SGCD: variants seen among roughly 807,000 people sequenced by gnomAD.
SGCD encodes the protein delta-sarcoglycan.
A neutral mutation model predicts 36.6 loss-of-function variants in SGCD; 18 were observed. That is an observed-to-expected ratio of 0.49 (90% CI 0.34 to 0.73). SGCD has a LOEUF of 0.73. Among genes scored for constraint, SGCD ranks in the 30% least tolerant of loss-of-function variants. SGCD has a pLI of 0.01. For missense variants in SGCD, 387 were observed against 346.7 expected, an observed-to-expected ratio of 1.12 and a Z score of -0.92; for synonymous variants, 133 against 130.6, an observed-to-expected ratio of 1.02 and a Z score of -0.12.
intron 3 of SGCD, among the ~76,000 whole-genome samples, chr5:156,172,151 G>T (rs1045648109): frequency 1.3e-5 from 2 of 152,160 alleles, no homozygotes; most frequent in African/African-American, 4.8e-5. Context: ...GGGCATGGTG[G>T]CAGATGCCTG....
At chr5:156,102,657 A>G (rs1020634430) in intron 1 of SGCD, among the ~76,000 whole-genome samples, 3 of 152,204 alleles carry the variant, frequency 2.0e-5, no homozygotes, top group South Asian at 4.1e-4. Context: ...TGAGAAGCAC[A>G]TACAAGTCTG....
intron 3 of SGCD, among the ~76,000 whole-genome samples, chr5:156,214,618 A>C (rs1365032076): frequency 6.6e-6 from 1 of 152,126 alleles, no homozygotes; most frequent in Admixed American, 6.5e-5. Context: ...TTATGGAACC[A>C]CAAAAGACTT....
At chr5:155,894,171 TA>T (rs1756198585) in intron 1 of SGCD, among the ~76,000 whole-genome samples, 1 of 152,192 alleles carries the variant, frequency 6.6e-6, no homozygotes, top group South Asian at 2.1e-4. Context: ...CTAAGTTTAT[TA>T]AAAACATTTA....
chr5:156,087,301 T>C (rs765834701), intron 1 of SGCD, among the ~76,000 whole-genome samples: 4 of 152,136 alleles, frequency 2.6e-5, no homozygotes, highest in Non-Finnish European at 5.9e-5. Context: ...ATATAACACT[T>C]GGTTTTAATG....
At chr5:156,226,198 G>T (rs1454166294) in intron 3 of SGCD, among the ~76,000 whole-genome samples, 1 of 152,016 alleles carries the variant, frequency 6.6e-6, no homozygotes, top group African/African-American at 2.4e-5. Context: ...CCTATTTGTA[G>T]TCTTTTATCC....
intron 1 of SGCD, among the ~76,000 whole-genome samples, chr5:156,035,899 A>T (rs965000327): frequency 3.3e-5 from 5 of 152,216 alleles, no homozygotes; most frequent in Non-Finnish European, 1.5e-5. Context: ...TGATACCATC[A>T]CAAGAAAAAT....
the SGCD span, among the ~76,000 whole-genome samples, chr5:155,789,474 A>G: frequency 6.6e-6 from 1 of 152,126 alleles, no homozygotes; most frequent in Non-Finnish European, 1.5e-5. Context: ...TATTACTTTC[A>G]TATACATAAT....
At chr5:155,934,652 G>T (rs1025820986) in intron 1 of SGCD, among the ~76,000 whole-genome samples, 1 of 152,136 alleles carries the variant, frequency 6.6e-6, no homozygotes, top group African/African-American at 2.4e-5. Flanking sequence ...GTGGAAATTT[G>T]TCATTCTTTT....
intron 1 of SGCD, among the ~76,000 whole-genome samples, chr5:155,939,632 G>A (rs1441253816): frequency 1.0e-5 from 1 of 96,962 alleles, no homozygotes; most frequent in African/African-American, 3.5e-5. Flanking sequence ...GTGACAGAGA[G>A]AGACTCTCTC....
intron 6 of SGCD, among the ~76,000 whole-genome samples, chr5:156,607,289 A>T (rs748931991): frequency 5.3e-5 from 8 of 152,338 alleles, no homozygotes; most frequent in Non-Finnish European, 1.0e-4. Context: ...CTTTTTCTGC[A>T]TCTATTGAGA....
At chr5:156,190,645 A>G (rs1423244704) in intron 3 of SGCD, among the ~76,000 whole-genome samples, 1 of 152,190 alleles carries the variant, frequency 6.6e-6, no homozygotes, top group African/African-American at 2.4e-5. Context: ...ATTATATTTT[A>G]ACAGAGGAGA....
intron 3 of SGCD, among the ~76,000 whole-genome samples, chr5:156,257,473 CTAAA>C (rs967569162): frequency 1.9e-4 from 29 of 152,022 alleles, no homozygotes; most frequent in African/African-American, 7.0e-4. Flanking sequence ...GACTCCGTCT[CTAAA>C]TAAATAAATA....
rs1760155057 is a variant in SGCD, at chr5:156,059,702, A to G, written c.-281-58176A>G. Among the ~76,000 whole-genome samples, 5 of 146,802 alleles carry G rather than the reference A, an allele frequency of 3.4e-5. 1 individual carries two copies. The South Asian group carries it at 1.1e-3, about 32-fold the overall frequency. On this transcript the variant is annotated intron_variant, in intron 1 of 9. Transcript: ENST00000517913. The stretch of plus-strand genomic sequence containing the variant: ...TCTAAGTCTGAATTTCCCCATTTGT[A>G]AAACAGAGAAACAATAATGGCACTT...
chr5:156,141,114 G>A (rs1015863384), intron 3 of SGCD, among the ~76,000 whole-genome samples: 3 of 152,184 alleles, frequency 2.0e-5, no homozygotes, highest in Non-Finnish European at 2.9e-5. Context: ...TTCATGTGGT[G>A]CCAATTCTGC....
At chr5:156,385,109 A>G (rs550496128) in intron 3 of SGCD, among the ~76,000 whole-genome samples, 7 of 152,336 alleles carry the variant, frequency 4.6e-5, no homozygotes, top group Admixed American at 1.3e-4. Flanking sequence ...CTGCATTTAG[A>G]TGGAGTGAAG....
chr5:155,822,008 T>G, the SGCD span, among the ~76,000 whole-genome samples: 2 of 152,226 alleles, frequency 1.3e-5, no homozygotes, highest in East Asian at 3.9e-4. Context: ...TTCTAAATTT[T>G]ACTTAAACTT....
At chr5:156,722,672 A>G (rs1450868623) in intron 7 of SGCD, among the ~76,000 whole-genome samples, 1 of 152,234 alleles carries the variant, frequency 6.6e-6, no homozygotes, top group Non-Finnish European at 1.5e-5. Flanking sequence ...TATCTTATCC[A>G]ATGCTTCTTC....
intron 7 of SGCD, among the ~76,000 whole-genome samples, chr5:156,649,129 A>G (rs1219898938): frequency 1.3e-5 from 2 of 152,204 alleles, no homozygotes; most frequent in Non-Finnish European, 2.9e-5. Flanking sequence ...ATCACTGGCC[A>G]TCAGAGAAAT....
Position 156,083,780 on chromosome 5 carries a change from T to A in SGCD, c.-281-34098T>A, listed in dbSNP as rs1016241149. ...GTGTGAGCTTTAGATCAGGTTTTTT[T>A]TTTGTTTTGTTTTTGTTTTTTGTTT... is the stretch of plus-strand genomic sequence containing the variant. On this transcript the variant is annotated intron_variant, in intron 1 of 9. Coordinates refer to the SGCD transcript ENST00000517913. 7.3e-5 allele frequency among the ~76,000 whole-genome samples: 11 copies of A among 150,666 alleles called. No individual in the cohort carries two copies. The East Asian group carries it at 1.2e-3, about 16-fold the overall frequency.
Sources: allele counts gnomAD v4.1 joint callset (sites outside exome capture counted in the v4.1 genomes callset), GRCh38; gene constraint gnomAD v4.1.1; transcripts MANE v1.5; gene names NCBI Gene and HGNC (gene_info 2026-07-23, HGNC 2026-07-21).